The following SMAD3 variants were observed in gnomAD, a reference collection of about 807,000 sequenced individuals.
SMAD3 encodes the protein MAD homolog 3.
A neutral mutation model predicts 51.8 loss-of-function variants in SMAD3; 12 were observed. That is an observed-to-expected ratio of 0.23 (90% CI 0.15 to 0.38). The LOEUF is 0.38. Ranked by LOEUF, SMAD3 falls within the 10% of genes least tolerant of loss-of-function variation. SMAD3 has a pLI of 1.00. For synonymous variants in SMAD3, 238 were observed against 227.7 expected (o/e 1.05, Z -0.41); for missense variants, 294 against 565.6 (o/e 0.52, Z 4.87).
At chr15:67,142,885 A>T in intron 1 of SMAD3, 1 of 453,582 alleles carries the variant, frequency 2.2e-6, no homozygotes, top group Non-Finnish European at 4.4e-6. Flanking sequence ...CATGTGCAGG[A>T]GACAGCTCCA....
chr15:67,091,976 G>C (rs1471282173), intron 1 of SMAD3, among the ~76,000 whole-genome samples: 1 of 152,176 alleles, frequency 6.6e-6, no homozygotes, highest in Non-Finnish European at 1.5e-5. Context: ...GGGAACAGGT[G>C]GTGTTCCCAG....
intron 3 of SMAD3, chr15:67,166,576 G>A: frequency 1.6e-6 from 1 of 643,286 alleles, no homozygotes; most frequent in Non-Finnish European, 2.8e-6. Flanking sequence ...GTGAGCAAAG[G>A]CAGTTATGAT....
intron 1 of SMAD3, among the ~76,000 whole-genome samples, chr15:67,142,131 C>G (rs1041525502): frequency 6.6e-6 from 1 of 151,836 alleles, no homozygotes; most frequent in African/African-American, 2.4e-5. Flanking sequence ...TCTTTTACCC[C>G]CTTTCCTAAA....
At chr15:67,074,671 G>GTTTC (rs1177761805) in intron 1 of SMAD3, among the ~76,000 whole-genome samples, 1 of 152,124 alleles carries the variant, frequency 6.6e-6, no homozygotes, top group Non-Finnish European at 1.5e-5. Flanking sequence ...TTGTTTGTTT[G>GTTTC]TTTCTTTATC....
At chr15:67,089,898 G>A (rs1960474474) in intron 1 of SMAD3, among the ~76,000 whole-genome samples, 1 of 152,226 alleles carries the variant, frequency 6.6e-6, no homozygotes, top group Non-Finnish European at 1.5e-5. Context: ...ACTGCATGTT[G>A]GGGGTGGGGA....
chr15:67,102,763 T>C (rs1025809171), intron 1 of SMAD3, among the ~76,000 whole-genome samples: 17 of 152,174 alleles, frequency 1.1e-4, no homozygotes, highest in African/African-American at 4.1e-4. Flanking sequence ...GCATGATACG[T>C]GGTCCCTTAG....
chr15:67,077,679 A>G (rs1774630484), intron 1 of SMAD3, among the ~76,000 whole-genome samples: 1 of 152,192 alleles, frequency 6.6e-6, no homozygotes, highest in South Asian at 2.1e-4. Context: ...AGAAGGCTTC[A>G]CAGAGGAGGC....
At position 67,170,573 on chromosome 15, in the gene SMAD3, G is replaced by A. The variant is rs1287107903; in HGVS notation, c.627G>A (p.Pro209=). ...SMDAGSPNLS[P]NPMSPAHNNL... ...TCGCAGGTTCTCCAAACCTATCCCC[G>A]AATCCGATGTCCCCAGCACATAATA... is the stretch of plus-strand genomic sequence containing the variant. The change falls in exon 5 of 9, where the codon CCG becomes CCA. Residue 209 remains proline, a synonymous_variant. Transcript: ENST00000327367. The A allele has an allele frequency of 3.1e-6, 5 of 1,613,982 alleles. No individual in the cohort carries two copies. Among genetic ancestry groups the A allele is most frequent in the Middle Eastern group, 1.7e-4 (1 of 6,060 alleles).
intron 1 of SMAD3, among the ~76,000 whole-genome samples, chr15:67,071,760 C>T (rs1008189596): frequency 1.1e-4 from 16 of 152,008 alleles, no homozygotes; most frequent in African/African-American, 3.1e-4. Context: ...TGCAGTGAGC[C>T]GAGATCGCGC....
chr15:67,110,766 A>G (rs1385104600), intron 1 of SMAD3, among the ~76,000 whole-genome samples: 1 of 152,202 alleles, frequency 6.6e-6, no homozygotes, highest in African/African-American at 2.4e-5. Context: ...TGTATGACCA[A>G]TCTTTTCTTT....
At chr15:67,106,901 C>T (rs944904955) in intron 1 of SMAD3, among the ~76,000 whole-genome samples, 1 of 152,078 alleles carries the variant, frequency 6.6e-6, no homozygotes, top group Non-Finnish European at 1.5e-5. Flanking sequence ...ATTTATTACC[C>T]CAGGGGACCC....
chr15:67,070,834 G>A (rs910042681), intron 1 of SMAD3, among the ~76,000 whole-genome samples: 2 of 151,952 alleles, frequency 1.3e-5, no homozygotes, highest in Admixed American at 1.3e-4. Context: ...AAGGATTTGG[G>A]AATCCATTTA....
At chr15:67,121,978 A>G (rs1171018041) in intron 1 of SMAD3, among the ~76,000 whole-genome samples, 2 of 152,238 alleles carry the variant, frequency 1.3e-5, no homozygotes, top group African/African-American at 2.4e-5. Flanking sequence ...AAAATTAAAT[A>G]CAATTACAAA....
chr15:67,177,746 T>G (rs955252961), intron 5 of SMAD3, among the ~76,000 whole-genome samples: 1 of 149,166 alleles, frequency 6.7e-6, no homozygotes, highest in Non-Finnish European at 1.5e-5. Flanking sequence ...TTTTTTTTTG[T>G]TAAGGAAAAA....
intron 1 of SMAD3, among the ~76,000 whole-genome samples, chr15:67,075,007 G>C (rs942333137): frequency 6.6e-6 from 1 of 152,036 alleles, no homozygotes; most frequent in African/African-American, 2.4e-5. Flanking sequence ...GTAACTCTGA[G>C]GTGTCACCAT....
intron 1 of SMAD3, among the ~76,000 whole-genome samples, chr15:67,073,173 A>G (rs1960093489): frequency 6.6e-6 from 1 of 152,094 alleles, no homozygotes; most frequent in African/African-American, 2.4e-5. Flanking sequence ...CTTGACAAGG[A>G]TCTCTCTCTC....
At chr15:67,151,711 A>G (rs529593326) in intron 1 of SMAD3, among the ~76,000 whole-genome samples, 3 of 152,312 alleles carry the variant, frequency 2.0e-5, no homozygotes, top group African/African-American at 7.2e-5. Context: ...ATAATTGTCC[A>G]TATTCATGGG....
At chr15:67,138,398 C>A (rs535323674) in intron 1 of SMAD3, 2 of 391,998 alleles carry the variant, frequency 5.1e-6, no homozygotes, top group South Asian at 2.8e-5. Context: ...AGTGGATTTG[C>A]GGAAGAGGGT....
chr15:67,155,014 T>C (rs1461123954), intron 1 of SMAD3, among the ~76,000 whole-genome samples: 1 of 152,208 alleles, frequency 6.6e-6, no homozygotes, highest in Non-Finnish European at 1.5e-5. Context: ...TGAGGACTCC[T>C]TCTCACACTG....
Sources: gnomAD v4.1 joint callset for allele counts (sites outside exome capture counted in the v4.1 genomes callset) on GRCh38, gnomAD v4.1.1 for gene constraint, MANE v1.5 for transcripts, NCBI Gene and HGNC (gene_info 2026-07-23, HGNC 2026-07-21) for gene names.